The following SYNJ2 variants were observed in gnomAD, a reference collection of about 807,000 sequenced individuals.
The protein encoded by SYNJ2 is polyphosphatidylinositol phosphatase SYNJ2.
SYNJ2 carries 116 observed loss-of-function variants against 141.3 expected under a neutral mutation model. The ratio of observed to expected loss-of-function variants is 0.82; its 90% CI spans 0.71 to 0.96. The LOEUF (loss-of-function observed/expected upper bound fraction) is 0.96, where lower values mean the gene tolerates loss of function less well. SYNJ2 is among the 40% of genes least tolerant of loss of function. SYNJ2 has a pLI of 0.00. For synonymous variants in SYNJ2, 745 were observed against 777.7 expected (o/e 0.96, Z 0.70); for missense variants, 1,873 against 1,934.8 (o/e 0.97, Z 0.60).
chr6:158,074,112 G>A (rs1259998547), intron 15 of SYNJ2, among the ~76,000 whole-genome samples: 2 of 152,068 alleles, frequency 1.3e-5, no homozygotes, highest in Non-Finnish European at 2.9e-5. Context: ...TGGGAAGGAG[G>A]AGCTAGAGAG....
rs1270675156 is a variant in SYNJ2 at position 157,982,811 on chromosome 6, G to T, written c.127+723G>T. ...GATGAGCAAACTGAGGCCTAAAGAG[G>T]CTAAGTTGCTTGCCAAGGTGACACC... On this transcript the variant is annotated intron_variant, in intron 1 of 26. Coordinates refer to ENST00000355585, the MANE Select transcript of SYNJ2 (RefSeq NM_003898.4). This position sits in a 1 kb window ranked among gnomAD's most constrained non-coding sequence, Gnocchi z 4.0. 2.0e-5 allele frequency among the ~76,000 whole-genome samples: 3 copies of T among 152,180 alleles called. No homozygotes were observed. The highest frequency in any genetic ancestry group is 4.4e-5 in the Non-Finnish European group (3 of 68,034).
Sources: gnomAD v4.1 joint callset for allele counts (sites outside exome capture counted in the v4.1 genomes callset) on GRCh38, gnomAD v4.1.1 for gene constraint, Gnocchi (gnomAD v3.1) non-coding constraint, MANE v1.5 for transcripts, NCBI Gene and HGNC (gene_info 2026-07-23, HGNC 2026-07-21) for gene names.